Variants in VPS45 observed in about 807,000 individuals in gnomAD.
VPS45 encodes the protein vacuolar protein sorting-associated protein 45.
In VPS45, 35 loss-of-function variants were observed where a neutral mutation model predicts 75.9. The ratio of observed to expected loss-of-function variants is 0.46; its 90% CI spans 0.35 to 0.61. The LOEUF (loss-of-function observed/expected upper bound fraction) is 0.61, where lower values mean the gene tolerates loss of function less well. Among genes scored for constraint, VPS45 ranks in the 20% least tolerant of loss-of-function variants. The pLI, the probability that VPS45 is intolerant of heterozygous loss-of-function variation, is 0.00. For missense variants in VPS45, 559 were observed against 685.9 expected (o/e 0.81, Z 2.07); for synonymous variants, 220 against 238.2 (o/e 0.92, Z 0.70).
chr1:150,097,492 G>A (rs587699123), intron 13 of VPS45, among the ~76,000 whole-genome samples: 1 of 151,914 alleles, frequency 6.6e-6, no homozygotes, highest in South Asian at 2.1e-4. Flanking sequence ...GGCCGAGCGG[G>A]CAGATTCTTT....
At chr1:150,117,829 A>T (rs1021865357) in intron 14 of VPS45, among the ~76,000 whole-genome samples, 1 of 152,150 alleles carries the variant, frequency 6.6e-6, no homozygotes, top group Non-Finnish European at 1.5e-5. Flanking sequence ...ACTGCACTCC[A>T]GCCTGGGTGA....
intron 14 of VPS45, among the ~76,000 whole-genome samples, chr1:150,138,697 T>C (rs1038088093): frequency 6.6e-5 from 10 of 152,236 alleles, no homozygotes; most frequent in Middle Eastern, 3.4e-3. Context: ...CCTCACCCCA[T>C]TGAGAACCAG....
chr1:150,091,832 T>C, intron 10 of VPS45, 105 bp from the exon 11 acceptor site: 15 of 1,019,862 alleles, frequency 1.5e-5, no homozygotes, highest in Non-Finnish European at 2.1e-5. Context: ...ATAATTGTCA[T>C]AGTAGTGATG....
intron 14 of VPS45, among the ~76,000 whole-genome samples, chr1:150,127,485 G>C (rs1393388489): frequency 1.3e-5 from 2 of 152,060 alleles, no homozygotes; most frequent in East Asian, 3.8e-4. Flanking sequence ...ACAGGGTCTT[G>C]CTATGTTGTC....
At chr1:150,139,867 T>C (rs1374433285) in intron 14 of VPS45, among the ~76,000 whole-genome samples, 1 of 151,650 alleles carries the variant, frequency 6.6e-6, no homozygotes. Flanking sequence ...GGGCAGCCAG[T>C]CACTAGTTTT....
chr1:150,067,834 T>C lies in VPS45; in HGVS notation c.-24T>C. 1 of 1,612,450 alleles carries C rather than the reference T, an allele frequency of 6.2e-7. No homozygotes were observed. The highest frequency in any genetic ancestry group is 8.5e-7 in the Non-Finnish European group (1 of 1,178,520). On this transcript the variant is annotated 5_prime_UTR_variant, in exon 1 of 15. Transcript: ENST00000644510. ...CCAGAAAAGGGGGCGGGAAGGGCTGTAGGGTACTTGTCAATTCGCCGCCAT... is the reference window on the plus strand; with the variant it reads ...CCAGAAAAGGGGGCGGGAAGGGCTGCAGGGTACTTGTCAATTCGCCGCCAT...
intron 14 of VPS45, among the ~76,000 whole-genome samples, chr1:150,122,392 A>G (rs989877461): frequency 3.3e-5 from 5 of 152,088 alleles, no homozygotes; most frequent in African/African-American, 9.7e-5. Context: ...AGCCACAGCC[A>G]TGTCCTAAGA....
At position 150,129,953 on chromosome 1, in the gene VPS45, G is replaced by A. The variant is rs191462280; in HGVS notation, c.1626-14756G>A. 4.6e-5 allele frequency among the ~76,000 whole-genome samples: 7 copies of A among 151,590 alleles called. No individual in the cohort carries two copies. In the East Asian group the frequency reaches 1.2e-3, roughly 25 times the overall value. ...TGTAACCTCAAACTCTTGGGCTCAA[G>A]CAGTCCTCCCACCTCAGCCTCCCAA... is the stretch of plus-strand genomic sequence containing the variant. On this transcript the variant is annotated intron_variant, in intron 14 of 14. Coordinates refer to ENST00000644510, the MANE Select transcript of VPS45 (RefSeq NM_007259.5).
chr1:150,076,936 T>A lies in VPS45; in HGVS notation c.390T>A (p.Ile130=), dbSNP rs782273593. The A allele has an allele frequency of 1.2e-6, 2 of 1,614,038 alleles. No individual in the cohort carries two copies. Among genetic ancestry groups the A allele is most frequent in the African/African-American group, 2.7e-5 (2 of 74,954 alleles). Reference sequence around the variant, plus strand: ...TGCAGGAATTTTATGGTGATTACATTGCTGTGAACCCACATTTGTTTTCCC... The same window carrying A: ...TGCAGGAATTTTATGGTGATTACATAGCTGTGAACCCACATTTGTTTTCCC... The part of the protein sequence containing the change: ...AEVQEFYGDY[I]AVNPHLFSLN... The change falls in exon 5 of 15, where the codon ATT becomes ATA. Residue 130 remains isoleucine (I), a synonymous_variant. Coordinates refer to ENST00000644510, the MANE Select transcript of VPS45 (RefSeq NM_007259.5).
At chr1:150,125,037 A>G (rs1179905173) in intron 14 of VPS45, among the ~76,000 whole-genome samples, 1 of 151,640 alleles carries the variant, frequency 6.6e-6, no homozygotes, top group Admixed American at 6.6e-5. Flanking sequence ...GTCTTTATTT[A>G]ACTATTACCA....
chr1:150,125,113 T>G (rs1353696854), intron 14 of VPS45, among the ~76,000 whole-genome samples: 1 of 150,858 alleles, frequency 6.6e-6, no homozygotes, highest in Non-Finnish European at 1.5e-5. Context: ...CTTTTATTTT[T>G]TATTTATTTA....
At chr1:150,143,982 AAT>A (rs1219557470) in intron 14 of VPS45, among the ~76,000 whole-genome samples, 3 of 152,238 alleles carry the variant, frequency 2.0e-5, no homozygotes, top group Non-Finnish European at 4.4e-5. Flanking sequence ...GAACAAAATG[AAT>A]ATAAGTATTC....
rs782170890 is a variant in VPS45 at position 150,077,799 on chromosome 1, C to A, written c.687+20C>A. The A allele has an allele frequency of 1.9e-6, 3 of 1,554,994 alleles. No individual in the cohort carries two copies. The East Asian group carries it at 6.7e-5, about 35-fold the overall frequency. ...AACCAGGTACAAAACCCTTTCTTGGCATAATAGAAGGATAATTTTAAGTGA... is the reference window on the plus strand; with the variant it reads ...AACCAGGTACAAAACCCTTTCTTGGAATAATAGAAGGATAATTTTAAGTGA... On this transcript the variant is annotated intron_variant, in intron 7 of 14. Coordinates refer to ENST00000644510, the MANE Select transcript of VPS45 (RefSeq NM_007259.5).
Position 150,077,741 on chromosome 1 carries a change from G to C in VPS45, c.649G>C (p.Asp217His). The change falls in exon 7 of 15, where the codon GAT (aspartate) becomes CAT (histidine). Residue 217 changes from aspartate (D) to histidine (H), a missense_variant. Coordinates refer to ENST00000644510, the MANE Select transcript of VPS45 (RefSeq NM_007259.5). The stretch of plus-strand genomic sequence containing the variant: ...GGTTCCTCCATTGCTCCTTATTTTA[G>C]ATCGCTGTGATGATGCCATCACCCC... ...TEVPPLLLIL[D>H]RCDDAITPLL... 6.2e-7 allele frequency: 1 copy of C among 1,613,962 alleles called. No individual in the cohort carries two copies.
At chr1:150,108,303 C>T (rs782116169) in intron 13 of VPS45, among the ~76,000 whole-genome samples, 1 of 152,128 alleles carries the variant, frequency 6.6e-6, no homozygotes, top group Non-Finnish European at 1.5e-5. Flanking sequence ...TGTGATTATC[C>T]AGGGAAGGAA....
chr1:150,138,194 A>T (rs1270718953), intron 14 of VPS45, among the ~76,000 whole-genome samples: 1 of 152,202 alleles, frequency 6.6e-6, no homozygotes, highest in African/African-American at 2.4e-5. Context: ...CCACATAGCT[A>T]AACATAGAGT....
At chr1:150,074,562 T>G (rs1333661836) in intron 3 of VPS45, among the ~76,000 whole-genome samples, 5 of 152,158 alleles carry the variant, frequency 3.3e-5, no homozygotes, top group Admixed American at 2.0e-4. Context: ...CATTAAGTCT[T>G]CATTCTCTGG....
chr1:150,140,357 T>C (rs1168348161), intron 14 of VPS45, among the ~76,000 whole-genome samples: 2 of 151,704 alleles, frequency 1.3e-5, no homozygotes, highest in African/African-American at 4.9e-5. Context: ...CCAGATTGCC[T>C]GGGATTATAT....
chr1:150,097,535 ATGG>A (rs1304760733), intron 13 of VPS45, among the ~76,000 whole-genome samples: 3 of 151,630 alleles, frequency 2.0e-5, no homozygotes, highest in Non-Finnish European at 4.4e-5. Context: ...CCTGGCCAAC[ATGG>A]TGAAACCCTG....
Sources: gnomAD v4.1 joint callset for allele counts (sites outside exome capture counted in the v4.1 genomes callset) on GRCh38, gnomAD v4.1.1 for gene constraint, MANE v1.5 for transcripts, NCBI Gene and HGNC (gene_info 2026-07-23, HGNC 2026-07-21) for gene names.